TLR3: variants seen among roughly 807,000 people sequenced by gnomAD.
The protein encoded by TLR3 is toll like receptor 3.
A neutral mutation model predicts 66.4 loss-of-function variants in TLR3; 43 were observed. The ratio of observed to expected loss-of-function variants is 0.65; its 90% CI spans 0.51 to 0.83. TLR3 has a LOEUF of 0.83. Among genes scored for constraint, TLR3 ranks in the 40% least tolerant of loss-of-function variants. TLR3 has a pLI of 0.00. For missense variants in TLR3, 982 were observed against 1,044.6 expected (o/e 0.94, Z 0.83); for synonymous variants, 397 against 397.2 (o/e 1.00, Z 0.01).
intron 1 of TLR3, among the ~76,000 whole-genome samples, chr4:186,069,594 A>G (rs2099301087): frequency 6.6e-6 from 1 of 152,224 alleles, no homozygotes. Flanking sequence ...AGCAAATCAC[A>G]TCTTTGCCTT....
Position 186,082,605 on chromosome 4 carries a change from T to G in TLR3, c.919T>G (p.Tyr307Asp), listed in dbSNP as rs5743317. 3,232 of 1,614,100 alleles carry G rather than the reference T, an allele frequency of 2.0e-3. 61 individuals are homozygous for G. The African/African-American group carries it at 0.037, about 19-fold the overall frequency. ...ACAACTAGAATATTTCTTCCTAGAG[T>G]ATAATAATATACAGCATTTGTTTTC... ...LPQLEYFFLEYNNIQHLFSHS... is the reference protein window; with the variant it reads ...LPQLEYFFLEDNNIQHLFSHS... Residue 307 changes from tyrosine (Y) to aspartate (D), a missense_variant, in exon 4 of 5, where the codon TAT becomes GAT. Physicochemically the swap from Tyr to Asp is radical, Grantham distance 160 (BLOSUM62 -3). Transcript: ENST00000296795.
At chr4:186,079,166 G>C (rs2099302975) in intron 3 of TLR3, 135 bp downstream of exon 3, 1 of 862,662 alleles carries the variant, frequency 1.2e-6, no homozygotes, top group African/African-American at 1.7e-5. Flanking sequence ...ACTGCTTGGG[G>C]GCATTGGTGT....
intron 1 of TLR3, among the ~76,000 whole-genome samples, chr4:186,074,550 G>C (rs576817410): frequency 6.6e-6 from 1 of 152,322 alleles, no homozygotes; most frequent in East Asian, 1.9e-4. Flanking sequence ...CCTCGGACAT[G>C]ACTGTGCACC....
chr4:186,069,359 T>C (rs2099301041), intron 1 of TLR3, 111 bp downstream of exon 1: 1 of 152,238 alleles, frequency 6.6e-6, no homozygotes, highest in Non-Finnish European at 1.5e-5. Flanking sequence ...TTCTTTGATC[T>C]GGTGCTTGAA....
chr4:186,079,688 G>A (rs1035502658), intron 3 of TLR3, among the ~76,000 whole-genome samples: 6 of 152,208 alleles, frequency 3.9e-5, no homozygotes, highest in Admixed American at 2.0e-4. Flanking sequence ...ATCATTTTCT[G>A]TCACGGGAGA....
At chr4:186,076,403 A>G (rs1046332892) in intron 1 of TLR3, among the ~76,000 whole-genome samples, 1 of 152,086 alleles carries the variant, frequency 6.6e-6, no homozygotes, top group Non-Finnish European at 1.5e-5. Flanking sequence ...GGAAGTTTGG[A>G]TGTTTTATTT....
chr4:186,071,625 T>C (rs1395742436), intron 1 of TLR3, among the ~76,000 whole-genome samples: 1 of 152,226 alleles, frequency 6.6e-6, no homozygotes, highest in African/African-American at 2.4e-5. Context: ...TTTACAATGA[T>C]TAGTGCCAGA....
In TLR3 at chr4:186,076,641, A is replaced by G. The variant is rs1480030311; in HGVS notation, c.22A>G (p.Ile8Val). Residue 8 changes from isoleucine to valine, a missense_variant, in exon 2 of 5, where the codon ATC becomes GTC. Physicochemically the swap from Ile to Val is conservative, Grantham distance 29 (BLOSUM62 3). Transcript: ENST00000296795. MRQTLPC[I>V]YFWGGLLPFG... ...AATCATGAGACAGACTTTGCCTTGT[A>G]TCTACTTTTGGGGGGGCCTTTTGCC... The G allele has an allele frequency of 6.2e-7, 1 of 1,614,118 alleles. No individual in the cohort carries two copies. Among genetic ancestry groups the G allele is most frequent in the Non-Finnish European group, 8.5e-7 (1 of 1,180,030 alleles).
In TLR3 at chr4:186,084,895, G is replaced by A. The variant is rs756143075; in HGVS notation, c.*22G>A. ...TTAAATTTATTTAAATATTCAATTA[G>A]CAAAGGAGAAACTTTCTCAATTTAA... On this transcript the variant is annotated 3_prime_UTR_variant, in exon 5 of 5. Coordinates refer to ENST00000296795, the MANE Select transcript of TLR3 (RefSeq NM_003265.3). 5 of 1,578,314 alleles carry A rather than the reference G, an allele frequency of 3.2e-6. No individual in the cohort carries two copies. The highest frequency in any genetic ancestry group is 1.7e-6 in the Non-Finnish European group (2 of 1,150,550).
intron 1 of TLR3, among the ~76,000 whole-genome samples, chr4:186,075,203 C>G (rs1484570510): frequency 6.6e-6 from 1 of 152,026 alleles, no homozygotes; most frequent in East Asian, 1.9e-4. Flanking sequence ...TTGTTTACAC[C>G]AGCATCACTA....
In TLR3 at chr4:186,085,776, T is replaced by C. The variant is rs1464827712; in HGVS notation, c.*903T>C. Reference sequence around the variant, plus strand: ...GCTGTATAATATATTCAAAGGAATGTATTATTTTACCATAAAATAATGTGC... The same window carrying C: ...GCTGTATAATATATTCAAAGGAATGCATTATTTTACCATAAAATAATGTGC... On this transcript the variant is annotated 3_prime_UTR_variant, in exon 5 of 5. Transcript: ENST00000296795. The C allele has an allele frequency of 6.6e-6, 1 of 152,258 alleles. No individual in the cohort carries two copies. Among genetic ancestry groups the C allele is most frequent in the Non-Finnish European group, 1.5e-5 (1 of 68,046 alleles). 9.4% of individuals were successfully genotyped at this position (152,258 alleles called of 1,614,324 possible). A position where few individuals can be genotyped will look rare whatever the true frequency, so the allele number is the denominator to read the frequency against.
chr4:186,083,044 G>A lies in TLR3; in HGVS notation c.1358G>A (p.Arg453Lys). ...IGQELTGQEW[R>K]GLENIFEIYL... The stretch of plus-strand genomic sequence containing the variant: ...CAAGAACTCACAGGCCAGGAATGGA[G>A]AGGTCTAGAAAATATTTTCGAAATC... Residue 453 changes from arginine (R) to lysine (K), a missense_variant, in exon 4 of 5, where the codon AGA becomes AAA. By Grantham distance (26) the Arg-to-Lys change is conservative. Transcript: ENST00000296795. The surrounding 1 kb of genome is among the most constrained non-coding windows in gnomAD (Gnocchi z 4.0). 1 of 1,614,184 alleles carries A rather than the reference G, an allele frequency of 6.2e-7. No individual in the cohort carries two copies. Among genetic ancestry groups the A allele is most frequent in the South Asian group, 1.1e-5 (1 of 91,086 alleles).
intron 2 of TLR3, among the ~76,000 whole-genome samples, chr4:186,077,593 G>GT (rs370340724): frequency 5.9e-5 from 9 of 151,504 alleles, no homozygotes; most frequent in African/African-American, 1.5e-4. Context: ...TCGAATTTTA[G>GT]TTTTTTTTCT....
At position 186,083,964 on chromosome 4, in the gene TLR3, A is replaced by G. The variant is rs1226246023; in HGVS notation, c.2278A>G (p.Ile760Val). 10 of 1,614,054 alleles carry G rather than the reference A, an allele frequency of 6.2e-6. No homozygotes were observed. The highest frequency in any genetic ancestry group is 2.2e-5 in the South Asian group (2 of 91,070). The change falls in exon 4 of 5, where the codon ATA (isoleucine) becomes GTA (valine). Residue 760 changes from isoleucine to valine, a missense_variant. Ile to Val is a conservative substitution (Grantham distance 29, BLOSUM62 3). Coordinates refer to ENST00000296795, the MANE Select transcript of TLR3 (RefSeq NM_003265.3). The surrounding 1 kb of genome is among the most constrained non-coding windows in gnomAD (Gnocchi z 4.0). ...QTEQFEYAAY[I>V]IHAYKDKDWV... ...AGAACAGTTTGAATATGCAGCATAT[A>G]TAATTCATGCCTATAAAGATAAGGA... is the stretch of plus-strand genomic sequence containing the variant.
chr4:186,071,431 G>A (rs192020013), intron 1 of TLR3, among the ~76,000 whole-genome samples: 7 of 152,318 alleles, frequency 4.6e-5, no homozygotes, highest in African/African-American at 1.7e-4. Flanking sequence ...AGTTCTGAAG[G>A]AACTGGAAGA....
chr4:186,084,132 G>GTTA lies in TLR3; in HGVS notation c.2448_2450dup (p.Ile817dup). ...CAAAAGAAGCAGAAAAATTATTTTTGTTATAACACACCATCTATTAAAAGA... is the reference window on the plus strand; with the variant it reads ...CAAAAGAAGCAGAAAAATTATTTTTGTTATTATAACACACCATCTATTAAAAGA... On this transcript the variant is annotated inframe_insertion, in exon 4 of 5. Transcript: ENST00000296795. The GTTA allele has an allele frequency of 6.2e-7, 1 of 1,613,848 alleles. No homozygotes were observed. The highest frequency in any genetic ancestry group is 8.5e-7 in the Non-Finnish European group (1 of 1,179,962).
intron 2 of TLR3, 105 bp from the exon 3 acceptor site, chr4:186,078,735 A>G (rs914266500): frequency 1.2e-6 from 1 of 838,376 alleles, no homozygotes; most frequent in African/African-American, 1.7e-5. Flanking sequence ...AATAATAGAG[A>G]GGTGTTGATT....
rs755520753 is a variant in TLR3 at position 186,083,633 on chromosome 4, C to T, written c.1947C>T (p.Cys649=). 1.2e-6 allele frequency: 2 copies of T among 1,600,756 alleles called. No homozygotes were observed. The highest frequency in any genetic ancestry group is 1.7e-5 in the Admixed American group (1 of 58,028). Residue 649 remains cysteine (C), a synonymous_variant, in exon 4 of 5, where the codon TGC becomes TGT. Coordinates refer to ENST00000296795, the MANE Select transcript of TLR3 (RefSeq NM_003265.3). This position sits in a 1 kb window ranked among gnomAD's most constrained non-coding sequence, Gnocchi z 4.0. ...ATATGCGCTTTAATCCCTTTGATTG[C>T]ACGTGTGAAAGTATTGCCTGGTTTG... ...ELDMRFNPFD[C]TCESIAWFVN...
rs2099304662 is a variant in TLR3, at chr4:186,088,067, G to A, written c.*3194G>A. The A allele has an allele frequency of 6.6e-6, 1 of 152,130 alleles. No homozygotes were observed. Among genetic ancestry groups the A allele is most frequent in the Non-Finnish European group, 1.5e-5 (1 of 68,038 alleles). 9.4% of individuals were successfully genotyped at this position (152,130 alleles called of 1,614,324 possible). On this transcript the variant is annotated 3_prime_UTR_variant, in exon 5 of 5. Coordinates refer to ENST00000296795, the MANE Select transcript of TLR3 (RefSeq NM_003265.3). ...AGCCATTAAAAATTGTATTTTTTGA[G>A]CAGCTACAGGTGCCTAGCCCTGTGT...
Sources: gnomAD v4.1 joint callset for allele counts (sites outside exome capture counted in the v4.1 genomes callset) on GRCh38, gnomAD v4.1.1 for gene constraint, Gnocchi (gnomAD v3.1) non-coding constraint, MANE v1.5 for transcripts, NCBI Gene and HGNC (gene_info 2026-07-23, HGNC 2026-07-21) for gene names.